USP54: variants seen among roughly 807,000 people sequenced by gnomAD.
USP54 encodes the protein ubiquitin specific peptidase 54, also known as ubiquitin carboxyl-terminal hydrolase 54.
In USP54, 87 loss-of-function variants were observed where a neutral mutation model predicts 170.5. The observed-to-expected ratio is 0.51, with a 90% confidence interval of 0.43 to 0.61. The LOEUF is 0.61. Ranked by LOEUF, USP54 falls within the 20% of genes least tolerant of loss-of-function variation. USP54 has a pLI of 0.00. For missense variants in USP54, 1,786 were observed against 2,047.8 expected, an observed-to-expected ratio of 0.87 and a Z score of 2.47; for synonymous variants, 655 against 742.8, an observed-to-expected ratio of 0.88 and a Z score of 1.92.
intron 4 of USP54, among the ~76,000 whole-genome samples, chr10:73,555,570 T>C (rs1371870743): frequency 6.6e-6 from 1 of 152,196 alleles, no homozygotes; most frequent in Non-Finnish European, 1.5e-5. Context: ...ATGGGCCAAA[T>C]TCGCCACAGA....
intron 14 of USP54, 104 bp downstream of exon 14, chr10:73,530,039 A>G (rs1053488870): frequency 2.0e-6 from 3 of 1,502,366 alleles, no homozygotes; most frequent in African/African-American, 2.8e-5. Context: ...ACCCGACATC[A>G]GAGTAAAAGT....
At chr10:73,612,292 C>T (rs1391857314) in intron 1 of USP54, among the ~76,000 whole-genome samples, 1 of 152,026 alleles carries the variant, frequency 6.6e-6, no homozygotes, top group Non-Finnish European at 1.5e-5. Flanking sequence ...CTGTAAAAAA[C>T]ATTAAATGAA....
chr10:73,506,487 C>T (rs1355913480), intron 20 of USP54: 3 of 152,182 alleles, frequency 2.0e-5, no homozygotes, highest in Admixed American at 2.0e-4. Context: ...ACATTTGATA[C>T]ATATGTCCAT....
intron 1 of USP54, among the ~76,000 whole-genome samples, chr10:73,624,197 TA>T (rs1205619073): frequency 5.7e-4 from 68 of 118,436 alleles, no homozygotes; most frequent in African/African-American, 2.2e-3. Flanking sequence ...TATATATATG[TA>T]TTTTTTTTTT....
intron 1 of USP54, among the ~76,000 whole-genome samples, chr10:73,596,745 A>T (rs11592523): frequency 6.7e-6 from 1 of 149,850 alleles, no homozygotes; most frequent in Non-Finnish European, 1.5e-5. Flanking sequence ...AAAAAAAGGA[A>T]TAAAGGGTTT....
intron 4 of USP54, among the ~76,000 whole-genome samples, chr10:73,570,888 A>G (rs1036701143): frequency 2.0e-4 from 30 of 152,184 alleles, no homozygotes; most frequent in Non-Finnish European, 4.0e-4. Flanking sequence ...CTGTAATCCC[A>G]GTGCTTTGGG....
At chr10:73,601,566 C>T (rs182386795) in intron 1 of USP54, among the ~76,000 whole-genome samples, 146 of 152,032 alleles carry the variant, frequency 9.6e-4, no homozygotes, top group South Asian at 4.8e-3. Flanking sequence ...TCCTGCTTCT[C>T]CCAGCTGCAG....
chr10:73,618,136 G>A (rs577641036), intron 1 of USP54, among the ~76,000 whole-genome samples: 16 of 149,768 alleles, frequency 1.1e-4, no homozygotes, highest in South Asian at 1.0e-3. Flanking sequence ...GCTTGAACCC[G>A]GGAGGCGGAG....
At chr10:73,502,805 A>T (rs1298845330) in intron 22 of USP54, among the ~76,000 whole-genome samples, 1 of 151,896 alleles carries the variant, frequency 6.6e-6, no homozygotes, top group East Asian at 1.9e-4. Context: ...CCTCTTTTTC[A>T]ATGGCTATGA....
chr10:73,519,572 A>G, intron 19 of USP54: 1 of 618,090 alleles, frequency 1.6e-6, no homozygotes, highest in Non-Finnish European at 2.7e-6. Context: ...AAATGTGGAC[A>G]AATGGTCTTA....
chr10:73,618,741 CAAAAAA>C (rs1320519590), intron 1 of USP54, among the ~76,000 whole-genome samples: 2 of 58,518 alleles, frequency 3.4e-5, no homozygotes, highest in African/African-American at 6.1e-5. Flanking sequence ...GACTCCATCT[CAAAAAA>C]AAAAAAAAAA....
Position 73,517,742 on chromosome 10 carries a change from T to C in USP54, c.2684A>G (p.Gln895Arg). The change falls in exon 20 of 24, where the codon CAG (glutamine) becomes CGG (arginine). Residue 895 changes from glutamine (Q) to arginine (R), a missense_variant. Transcript: ENST00000687698. ...TAACAATACTTGGAGCGGGATAGGC[T>C]GTTCACTGAAACAAATGGAGAGAGC... ...AGTLSQPTSEQPIPLQVLLSQ... is the reference protein window; with the variant it reads ...AGTLSQPTSERPIPLQVLLSQ... 6.2e-7 allele frequency: 1 copy of C among 1,608,926 alleles called. No individual in the cohort carries two copies. The highest frequency in any genetic ancestry group is 1.3e-5 in the African/African-American group (1 of 74,952).
At chr10:73,527,354 T>C (rs1323205114) in intron 15 of USP54, among the ~76,000 whole-genome samples, 7 of 151,442 alleles carry the variant, frequency 4.6e-5, no homozygotes, top group African/African-American at 1.7e-4. Flanking sequence ...AAAAATTAGC[T>C]GGGTGTGGTG....
chr10:73,572,359 A>G (rs530156622), intron 3 of USP54, among the ~76,000 whole-genome samples: 1 of 152,330 alleles, frequency 6.6e-6, no homozygotes, highest in South Asian at 2.1e-4. Context: ...GTAAAAACTA[A>G]GGAAATCTGA....
rs372112310 is a variant in USP54, at chr10:73,624,877, G to A, written c.-18+690C>T. Among the ~76,000 whole-genome samples, 8 of 152,078 alleles carry A rather than the reference G, an allele frequency of 5.3e-5. 1 individual carries two copies. The South Asian group carries it at 1.7e-3, about 32-fold the overall frequency. On this transcript the variant is annotated intron_variant, in intron 1 of 22. Transcript: ENST00000339859. ...TAAAATCTCATTCATTTCTTAAAAG[G>A]CAAATAGCTTGATAAGCACACTTTA...
At chr10:73,507,506 T>C (rs1033934290) in intron 20 of USP54, among the ~76,000 whole-genome samples, 7 of 151,426 alleles carry the variant, frequency 4.6e-5, no homozygotes, top group African/African-American at 1.7e-4. Context: ...AAACCCCATC[T>C]CTACTAAAAA....
chr10:73,534,292 C>G (rs866906253), intron 12 of USP54, among the ~76,000 whole-genome samples: 1 of 151,778 alleles, frequency 6.6e-6, no homozygotes, highest in Non-Finnish European at 1.5e-5. Flanking sequence ...CTGAAAGCTT[C>G]GCCTCCTGGG....
intron 12 of USP54, among the ~76,000 whole-genome samples, chr10:73,531,805 G>A (rs2064031593): frequency 6.6e-6 from 1 of 152,140 alleles, no homozygotes; most frequent in Non-Finnish European, 1.5e-5. Flanking sequence ...TATGTAACTT[G>A]CCCTGCTTCA....
chr10:73,610,452 A>G (rs2080051085), intron 1 of USP54, among the ~76,000 whole-genome samples: 1 of 151,852 alleles, frequency 6.6e-6, no homozygotes, highest in East Asian at 2.0e-4. Context: ...TGAAACCCCA[A>G]CTCTACTAAA....
Sources: gnomAD v4.1 joint callset for allele counts (sites outside exome capture counted in the v4.1 genomes callset) on GRCh38, gnomAD v4.1.1 for gene constraint, MANE v1.5 for transcripts, NCBI Gene and HGNC (gene_info 2026-07-23, HGNC 2026-07-21) for gene names.